Variants in TLL1 observed in about 807,000 individuals in gnomAD.
TLL1 encodes the protein tolloid like 1, also known as tolloid-like protein 1.
In TLL1, 49 loss-of-function variants were observed where a neutral mutation model predicts 128.2. The ratio of observed to expected loss-of-function variants is 0.38; its 90% CI spans 0.30 to 0.48. TLL1 has a LOEUF of 0.48. TLL1 is among the 20% of genes least tolerant of loss of function. The pLI is 0.96. For synonymous variants in TLL1, 454 were observed against 418.8 expected (o/e 1.08, Z -1.03); for missense variants, 1,123 against 1,242.0 (o/e 0.90, Z 1.44).
At chr4:165,941,949 G>A (rs944885986) in intron 1 of TLL1, among the ~76,000 whole-genome samples, 8 of 151,982 alleles carry the variant, frequency 5.3e-5, no homozygotes, top group Admixed American at 2.6e-4. Context: ...ATGATTCAAT[G>A]TGTAAGGTGT....
At chr4:166,022,622 T>C (rs1215130677) in intron 8 of TLL1, among the ~76,000 whole-genome samples, 1 of 152,204 alleles carries the variant, frequency 6.6e-6, no homozygotes, top group East Asian at 1.9e-4. Flanking sequence ...TGATGGGAGC[T>C]ATAGACATTA....
intron 1 of TLL1, among the ~76,000 whole-genome samples, chr4:165,963,558 T>C (rs1735222038): frequency 6.6e-6 from 1 of 152,176 alleles, no homozygotes; most frequent in Admixed American, 6.6e-5. Context: ...TTAAATGTTG[T>C]AATTTTAAGA....
At chr4:165,880,201 A>C (rs550440231) in intron 1 of TLL1, among the ~76,000 whole-genome samples, 101 of 152,310 alleles carry the variant, frequency 6.6e-4, no homozygotes, top group Non-Finnish European at 1.2e-3. Flanking sequence ...TGGAATACTG[A>C]CTATTGGACT....
intron 12 of TLL1, among the ~76,000 whole-genome samples, chr4:166,048,352 C>G (rs1325980881): frequency 6.6e-6 from 1 of 151,798 alleles, no homozygotes; most frequent in East Asian, 1.9e-4. Flanking sequence ...GTGCCTTAAC[C>G]TTGAACTTCC....
At chr4:166,032,446 C>G (rs1479987198) in intron 9 of TLL1, among the ~76,000 whole-genome samples, 1 of 152,016 alleles carries the variant, frequency 6.6e-6, no homozygotes, top group African/African-American at 2.4e-5. Context: ...CATTATGAAG[C>G]CTCAGTAATT....
intron 18 of TLL1, among the ~76,000 whole-genome samples, chr4:166,082,040 A>G (rs1741306950): frequency 1.3e-5 from 2 of 152,176 alleles, no homozygotes; most frequent in South Asian, 4.1e-4. Context: ...TGGTATCCTA[A>G]GAAGGTAATA....
chr4:166,053,752 A>G (rs1399374156), intron 12 of TLL1, among the ~76,000 whole-genome samples: 1 of 152,148 alleles, frequency 6.6e-6, no homozygotes, highest in Non-Finnish European at 1.5e-5. Flanking sequence ...AACACTAGTA[A>G]CAGAGTTCCA....
chr4:165,992,654 C>T lies in TLL1; in HGVS notation c.281-150C>T, dbSNP rs1736699914. 4 of 711,014 alleles carry T rather than the reference C, an allele frequency of 5.6e-6. No homozygotes were observed. In the South Asian group the frequency reaches 7.0e-5, roughly 12 times the overall value. The allele number at this position is 711,014 out of a possible 1,614,324, so 44.0% of individuals were successfully genotyped here. Reference sequence around the variant, plus strand: ...ATTGGTTGCTGTAGAGTTTTTACCCCCTTCAAAGATTCATGGATATTCATA... The same window carrying T: ...ATTGGTTGCTGTAGAGTTTTTACCCTCTTCAAAGATTCATGGATATTCATA... On this transcript the variant is annotated intron_variant, in intron 2 of 20. Transcript: ENST00000061240.
chr4:166,066,062 C>T (rs1459665904), intron 16 of TLL1, among the ~76,000 whole-genome samples, 199 bp downstream of exon 16: 1 of 151,980 alleles, frequency 6.6e-6, no homozygotes, highest in Non-Finnish European at 1.5e-5. Flanking sequence ...AATAATGATA[C>T]AAGACCTCCA....
At chr4:166,027,868 G>A (rs1001918492) in intron 9 of TLL1, among the ~76,000 whole-genome samples, 1 of 152,030 alleles carries the variant, frequency 6.6e-6, no homozygotes, top group African/African-American at 2.4e-5. Flanking sequence ...CATTAGCATT[G>A]AGCTAATTTA....
rs372509275 is a variant in TLL1 at position 166,100,812 on chromosome 4, A to G, written c.2978A>G (p.Lys993Arg). 4.3e-6 allele frequency: 7 copies of G among 1,613,006 alleles called. No individual in the cohort carries two copies. In the African/African-American group the frequency reaches 6.7e-5, roughly 15 times the overall value. Residue 993 changes from lysine to arginine, a missense_variant, in exon 21 of 21, where the codon AAG (lysine) becomes AGG (arginine). By Grantham distance (26) the Lys-to-Arg change is conservative. This residue lies in a region of TLL1 where 634 missense variants were observed against 672.4 expected (regional missense o/e 0.94). Coordinates refer to ENST00000061240, the MANE Select transcript of TLL1 (RefSeq NM_012464.5). ...TTCCACACTGATGACACAATCAACAAGAAGGGATTTCATATAAGATACAAA... is the reference window on the plus strand; with the variant it reads ...TTCCACACTGATGACACAATCAACAGGAAGGGATTTCATATAAGATACAAA... ...IHFHTDDTIN[K>R]KGFHIRYKSI... is the part of the protein sequence containing the mutation.
intron 12 of TLL1, among the ~76,000 whole-genome samples, chr4:166,054,505 G>A (rs112178913): frequency 0.015 from 2,205 of 151,638 alleles, 69 homozygotes; most frequent in African/African-American, 0.051. Flanking sequence ...ATGCTGGTGC[G>A]CTGCACCCAC....
chr4:165,941,026 T>C (rs1579516042), intron 1 of TLL1, among the ~76,000 whole-genome samples: 1 of 152,122 alleles, frequency 6.6e-6, no homozygotes, highest in East Asian at 1.9e-4. Context: ...ATATCAGAGA[T>C]TTTATGATCA....
At chr4:166,019,690 TA>T (rs1272413152) in intron 8 of TLL1, among the ~76,000 whole-genome samples, 1 of 152,140 alleles carries the variant, frequency 6.6e-6, no homozygotes, top group East Asian at 1.9e-4. Flanking sequence ...AGGCAGACTG[TA>T]AATACTGCTG....
intron 1 of TLL1, among the ~76,000 whole-genome samples, chr4:165,928,798 C>T (rs1237690414): frequency 1.3e-5 from 2 of 152,190 alleles, no homozygotes; most frequent in African/African-American, 4.8e-5. Flanking sequence ...ACTTCATTCT[C>T]CTACTTTGCT....
chr4:165,888,561 T>G (rs1731262422), intron 1 of TLL1, among the ~76,000 whole-genome samples: 1 of 152,140 alleles, frequency 6.6e-6, no homozygotes, highest in Admixed American at 6.6e-5. Context: ...AATATTTTTT[T>G]TTTTTGCCTC....
chr4:166,042,281 C>A, intron 11 of TLL1, 138 bp downstream of exon 11: 1 of 636,702 alleles, frequency 1.6e-6, no homozygotes, highest in Non-Finnish European at 2.8e-6. Context: ...AATATTCATA[C>A]AGATAATTTT....
At chr4:165,980,113 A>G (rs1036593965) in intron 1 of TLL1, among the ~76,000 whole-genome samples, 1 of 152,162 alleles carries the variant, frequency 6.6e-6, no homozygotes, top group African/African-American at 2.4e-5. Context: ...TTCTGGCTCC[A>G]TGTTTAACAA....
chr4:165,897,132 T>A lies in TLL1; in HGVS notation c.169+23059T>A, dbSNP rs147330887. On this transcript the variant is annotated intron_variant, in intron 1 of 20. Coordinates refer to ENST00000061240, the MANE Select transcript of TLL1 (RefSeq NM_012464.5). ...GTTTAAGTTGCTTGTAGATTCTGAA[T>A]ATTAGCCCTTGTCAGATGGACAGAT... Among the ~76,000 whole-genome samples, 363 of 152,312 alleles carry A rather than the reference T, an allele frequency of 2.4e-3. 2 individuals are homozygous for A. In the East Asian group the frequency reaches 0.043, roughly 18 times the overall value.
Sources: gnomAD v4.1 joint callset for allele counts (sites outside exome capture counted in the v4.1 genomes callset) on GRCh38, gnomAD v4.1.1 for gene constraint, gnomAD v4.1.1 regional missense constraint, MANE v1.5 for transcripts, NCBI Gene and HGNC (gene_info 2026-07-23, HGNC 2026-07-21) for gene names.